The following MED19 variants were observed in gnomAD, a reference collection of about 807,000 sequenced individuals.
MED19 encodes the protein mediator of RNA polymerase II transcription subunit 19.
Under a neutral mutation model 19.9 loss-of-function variants are expected in MED19, and 4 were observed. The ratio of observed to expected loss-of-function variants is 0.20; its 90% CI spans 0.10 to 0.46. The LOEUF (loss-of-function observed/expected upper bound fraction) is 0.46, where lower values mean the gene tolerates loss of function less well. Among genes scored for constraint, MED19 ranks in the 20% least tolerant of loss-of-function variants. The pLI, the probability that MED19 is intolerant of heterozygous loss-of-function variation, is 0.99. For missense variants in MED19, 303 were observed against 318.7 expected, an observed-to-expected ratio of 0.95 and a Z score of 0.38; for synonymous variants, 139 against 119.6, an observed-to-expected ratio of 1.16 and a Z score of -1.06.
At chr11:57,711,339 G>A (rs1193773522) in intron 1 of MED19, among the ~76,000 whole-genome samples, 1 of 152,082 alleles carries the variant, frequency 6.6e-6, no homozygotes, top group Non-Finnish European at 1.5e-5. Context: ...CAGGCCTCTC[G>A]AGTTCCAAAC....
Position 57,711,356 on chromosome 11 carries a change from C to A in MED19, c.217+607G>T, listed in dbSNP as rs1414048350. Among the ~76,000 whole-genome samples, 25 of 151,992 alleles carry A rather than the reference C, an allele frequency of 1.6e-4. 1 individual carries two copies. The highest frequency in any genetic ancestry group is 1.6e-3 in the Admixed American group (25 of 15,264). On this transcript the variant is annotated intron_variant, in intron 1 of 4. Coordinates refer to ENST00000431606, the Ensembl canonical transcript of MED19. The stretch of plus-strand genomic sequence containing the variant: ...GGCCTCTCGAGTTCCAAACTCAAAC[C>A]CTGGATTTTGTTTGTTTTGAGACGG...
chr11:57,704,362 TTTC>T (rs1565203126), exon 4 of MED19: 4 of 1,536,510 alleles, frequency 2.6e-6, no homozygotes, highest in African/African-American at 1.4e-5. Flanking sequence ...CTTTTTTCTT[TTTC>T]TTCTTCTTGT....
At chr11:57,706,500 G>C (rs886068289) in intron 1 of MED19, among the ~76,000 whole-genome samples, 1 of 152,200 alleles carries the variant, frequency 6.6e-6, no homozygotes, top group African/African-American at 2.4e-5. Flanking sequence ...GCCAGGCGCG[G>C]TGGCTCACGC....
chr11:57,707,175 G>A (rs895353645), intron 1 of MED19, among the ~76,000 whole-genome samples: 1 of 150,568 alleles, frequency 6.6e-6, no homozygotes, highest in Non-Finnish European at 1.5e-5. Flanking sequence ...TCCAGCCTGG[G>A]TGGGAGAGTC....
At chr11:57,706,107 C>T (rs1946505187) in intron 1 of MED19, among the ~76,000 whole-genome samples, 1 of 151,950 alleles carries the variant, frequency 6.6e-6, no homozygotes, top group Non-Finnish European at 1.5e-5. Context: ...CTTTATTCTT[C>T]CTCGTGATAC....
intron 3 of MED19, 141 bp from the exon 4 acceptor site, chr11:57,704,537 G>C (rs2135413698): frequency 6.3e-7 from 1 of 1,584,278 alleles, no homozygotes; most frequent in Non-Finnish European, 8.5e-7. Context: ...GGTGCTGCTA[G>C]AGTCCCTGTC....
exon 2 of MED19, chr11:57,705,031 C>G: frequency 6.2e-7 from 1 of 1,614,152 alleles, no homozygotes; most frequent in Non-Finnish European, 8.5e-7. Context: ...ATTGAAAGAG[C>G]TACTGAGAAT....
At chr11:57,704,184 A>C in intron 4 of MED19, 78 bp from the exon 5 acceptor site, 1 of 1,529,544 alleles carries the variant, frequency 6.5e-7, no homozygotes, top group Non-Finnish European at 8.7e-7. Context: ...AGAAACCTGC[A>C]ACCTGCCTTG....
At chr11:57,708,032 C>T (rs935483559) in intron 1 of MED19, among the ~76,000 whole-genome samples, 4 of 151,868 alleles carry the variant, frequency 2.6e-5, no homozygotes, top group Non-Finnish European at 4.4e-5. Flanking sequence ...AGGGGTCTCC[C>T]TATGTTGCCC....
chr11:57,711,159 C>T (rs936148373), intron 1 of MED19, among the ~76,000 whole-genome samples: 5 of 152,342 alleles, frequency 3.3e-5, no homozygotes, highest in African/African-American at 1.2e-4. Context: ...TACATAGGTA[C>T]TCAACAAAAT....
rs552556052 is a variant in MED19 at position 57,711,846 on chromosome 11, C to A, written c.217+117G>T. On this transcript the variant is annotated intron_variant, in intron 1 of 4. Transcript: ENST00000431606. ...ACAGCGCTTCCGACTTAGGGCTCCA[C>A]AGTCCGGGTATGCGTTGCCTAGGTT... The A allele has an allele frequency of 2.6e-4, 305 of 1,157,212 alleles. 2 individuals carry two copies. The highest frequency in any genetic ancestry group is 4.0e-5 in the Non-Finnish European group (35 of 872,248). 71.7% of individuals were successfully genotyped at this position (1,157,212 alleles called of 1,614,324 possible).
exon 1 of MED19, chr11:57,712,184 C>T: frequency 2.0e-6 from 3 of 1,516,566 alleles, no homozygotes; most frequent in Non-Finnish European, 2.6e-6. Flanking sequence ...CTCCATCGTA[C>T]CCTCCGCCCC....
exon 2 of MED19, chr11:57,705,217 AGCT>A (rs1489242859): frequency 6.2e-7 from 1 of 1,614,206 alleles, no homozygotes; most frequent in Non-Finnish European, 8.5e-7. Flanking sequence ...GCTGCCTGTC[AGCT>A]CTGTGCTACC....
chr11:57,706,313 A>G (rs1021467394), intron 1 of MED19, among the ~76,000 whole-genome samples: 3 of 151,998 alleles, frequency 2.0e-5, no homozygotes, highest in African/African-American at 7.3e-5. Context: ...ATGCCTGGCT[A>G]ATTTTTTTCT....
intron 1 of MED19, among the ~76,000 whole-genome samples, chr11:57,706,341 A>AC (rs1415086071): frequency 1.3e-5 from 2 of 152,020 alleles, no homozygotes; most frequent in Non-Finnish European, 2.9e-5. Flanking sequence ...AAGGGGGTTC[A>AC]CCATGTTGAG....
chr11:57,706,391 C>A (rs1416573714), intron 1 of MED19, among the ~76,000 whole-genome samples: 1 of 152,046 alleles, frequency 6.6e-6, no homozygotes, highest in Non-Finnish European at 1.5e-5. Flanking sequence ...TGATCCGCCA[C>A]CCCCCGCCGC....
At chr11:57,712,107 G>T in exon 1 of MED19, 1 of 1,526,932 alleles carries the variant, frequency 6.5e-7, no homozygotes, top group Non-Finnish European at 8.8e-7. Context: ...GGCTTTCCTG[G>T]TCCGAAGCCG....
chr11:57,704,813 C>G, exon 3 of MED19: 3 of 1,613,456 alleles, frequency 1.9e-6, no homozygotes, highest in Non-Finnish European at 2.5e-6. Flanking sequence ...ACTGCTCCGG[C>G]AACTGAAGGA....
intron 1 of MED19, among the ~76,000 whole-genome samples, chr11:57,710,586 T>C (rs1458451730): frequency 2.6e-5 from 4 of 152,188 alleles, no homozygotes; most frequent in African/African-American, 9.7e-5. Flanking sequence ...CAATTGTCTC[T>C]CCCTCCTGTC....
Sources: gnomAD v4.1 joint callset for allele counts (sites outside exome capture counted in the v4.1 genomes callset) on GRCh38, gnomAD v4.1.1 for gene constraint, MANE v1.5 for transcripts, NCBI Gene and HGNC (gene_info 2026-07-23, HGNC 2026-07-21) for gene names.